HCN1: variants seen among roughly 807,000 people sequenced by gnomAD.
HCN1 encodes potassium/sodium hyperpolarization-activated cyclic nucleotide-gated channel 1.
HCN1 carries 13 observed loss-of-function variants against 78.9 expected under a neutral mutation model. The observed-to-expected ratio is 0.16, with a 90% CI of 0.11 to 0.26. HCN1 has a LOEUF of 0.26. HCN1 is among the 10% of genes least tolerant of loss of function. HCN1 has a pLI of 1.00. For missense variants in HCN1, 810 were observed against 1,154.3 expected, an observed-to-expected ratio of 0.70 and a Z score of 4.32; for synonymous variants, 552 against 455.5, an observed-to-expected ratio of 1.21 and a Z score of -2.70.
chr5:45,472,834 GTCA>G, intron 2 of HCN1, among the ~76,000 whole-genome samples: 1 of 151,936 alleles, frequency 6.6e-6, no homozygotes, highest in Admixed American at 6.6e-5. Context: ...CAGAATACCT[GTCA>G]TCTTTTGTTA....
chr5:45,261,881 T>C lies in HCN1; in HGVS notation c.*40A>G, dbSNP rs1744741558. 6.2e-7 allele frequency: 1 copy of C among 1,611,498 alleles called. No homozygotes were observed. The highest frequency in any genetic ancestry group is 8.5e-7 in the Non-Finnish European group (1 of 1,178,192). On this transcript the variant is annotated 3_prime_UTR_variant, in exon 8 of 8. Transcript: ENST00000303230. ...AATAAGATCTGAGTATAGTCTCAGT[T>C]TATGAGAGTATTTCTTTCTGCTTTG...
At chr5:45,660,682 C>G (rs1219594021) in intron 1 of HCN1, among the ~76,000 whole-genome samples, 2 of 141,994 alleles carry the variant, frequency 1.4e-5, no homozygotes, top group African/African-American at 5.3e-5. Context: ...GACTTTAAAC[C>G]AACAAAGATC....
At chr5:45,457,222 A>G (rs1264701233) in intron 3 of HCN1, among the ~76,000 whole-genome samples, 1 of 152,102 alleles carries the variant, frequency 6.6e-6, no homozygotes, top group East Asian at 1.9e-4. Context: ...TTTGAGATTC[A>G]GTTCAAAATT....
At chr5:45,332,011 A>G (rs1746354815) in intron 5 of HCN1, among the ~76,000 whole-genome samples, 1 of 151,564 alleles carries the variant, frequency 6.6e-6, no homozygotes, top group African/African-American at 2.4e-5. Flanking sequence ...AAACAACAGA[A>G]AATTGGTTTA....
chr5:45,456,835 A>G (rs891704738), intron 3 of HCN1, among the ~76,000 whole-genome samples: 2 of 152,028 alleles, frequency 1.3e-5, no homozygotes, highest in Non-Finnish European at 2.9e-5. Context: ...CATTTTGACT[A>G]CGGTGAAACG....
intron 4 of HCN1, among the ~76,000 whole-genome samples, chr5:45,374,628 C>G (rs1693081526): frequency 6.6e-6 from 1 of 150,410 alleles, no homozygotes; most frequent in African/African-American, 2.4e-5. Flanking sequence ...GGGAGGGACT[C>G]CTTCCTAACT....
intron 2 of HCN1, among the ~76,000 whole-genome samples, chr5:45,523,934 C>G (rs1742671730): frequency 6.6e-6 from 1 of 152,046 alleles, no homozygotes; most frequent in African/African-American, 2.4e-5. Flanking sequence ...AAGTCCTTGC[C>G]CATGCCTATG....
At chr5:45,665,161 A>T (rs1222509735) in intron 1 of HCN1, among the ~76,000 whole-genome samples, 1 of 152,018 alleles carries the variant, frequency 6.6e-6, no homozygotes, top group African/African-American at 2.4e-5. Flanking sequence ...ACATGGATGA[A>T]ATTGGAAATC....
chr5:45,360,069 G>GATAAATA (rs1163613597), intron 4 of HCN1, among the ~76,000 whole-genome samples: 1 of 150,614 alleles, frequency 6.6e-6, no homozygotes, highest in Admixed American at 6.6e-5. Flanking sequence ...TATGTTATGT[G>GATAAATA]ATAAATAATA....
intron 5 of HCN1, among the ~76,000 whole-genome samples, chr5:45,321,062 CA>C (rs1746117041): frequency 6.6e-6 from 1 of 151,764 alleles, no homozygotes; most frequent in Non-Finnish European, 1.5e-5. Context: ...ACAGTGTCAA[CA>C]AAATGAAAAT....
chr5:45,514,272 G>T (rs113351482), intron 2 of HCN1, among the ~76,000 whole-genome samples: 1 of 151,930 alleles, frequency 6.6e-6, no homozygotes. Flanking sequence ...ATTTTTAAAA[G>T]TCTACCTCAA....
intron 2 of HCN1, among the ~76,000 whole-genome samples, chr5:45,478,526 C>G (rs1429401211): frequency 6.6e-6 from 1 of 152,092 alleles, no homozygotes; most frequent in African/African-American, 2.4e-5. Context: ...ACAGGTAGGC[C>G]TCATTTTTAA....
In HCN1 at chr5:45,683,701, T is replaced by A. The variant is rs989042935; in HGVS notation, c.425+11968A>T. On this transcript the variant is annotated intron_variant, in intron 1 of 7. Coordinates refer to ENST00000303230, the MANE Select transcript of HCN1 (RefSeq NM_021072.4). Reference sequence around the variant, plus strand: ...TTTTTTTTTGATACAGGGTTTCACTTTGTCATTTAGCCTGGATGGAGTGCA... The same window carrying A: ...TTTTTTTTTGATACAGGGTTTCACTATGTCATTTAGCCTGGATGGAGTGCA... Among the ~76,000 whole-genome samples, 26 of 151,994 alleles carry A rather than the reference T, an allele frequency of 1.7e-4. 1 individual carries two copies. The highest frequency in any genetic ancestry group is 2.0e-4 in the Admixed American group (3 of 15,248).
intron 2 of HCN1, among the ~76,000 whole-genome samples, chr5:45,493,036 T>C (rs947650721): frequency 5.9e-5 from 9 of 152,108 alleles, no homozygotes; most frequent in African/African-American, 2.2e-4. Context: ...TTCTTTCTTA[T>C]AATGCAGTAT....
At chr5:45,441,146 T>A (rs1180260531) in intron 3 of HCN1, among the ~76,000 whole-genome samples, 1 of 152,218 alleles carries the variant, frequency 6.6e-6, no homozygotes, top group Non-Finnish European at 1.5e-5. Flanking sequence ...CAGGTTACAG[T>A]ATTCTGTTTC....
At chr5:45,635,859 T>C (rs966677990) in intron 2 of HCN1, among the ~76,000 whole-genome samples, 1 of 152,172 alleles carries the variant, frequency 6.6e-6, no homozygotes, top group East Asian at 1.9e-4. Flanking sequence ...CAATTGGTGA[T>C]ATACTTCAAA....
chr5:45,345,451 G>A (rs1746681549), intron 5 of HCN1, among the ~76,000 whole-genome samples: 1 of 152,070 alleles, frequency 6.6e-6, no homozygotes, highest in South Asian at 2.1e-4. Context: ...CTACTACATG[G>A]TCACGCTGCA....
At chr5:45,501,374 A>G (rs1742181495) in intron 2 of HCN1, among the ~76,000 whole-genome samples, 1 of 152,204 alleles carries the variant, frequency 6.6e-6, no homozygotes, top group Non-Finnish European at 1.5e-5. Context: ...TAAGAATAAG[A>G]CATTAAAGTA....
intron 3 of HCN1, among the ~76,000 whole-genome samples, chr5:45,419,318 C>G (rs894968120): frequency 1.3e-5 from 2 of 152,094 alleles, no homozygotes; most frequent in Non-Finnish European, 2.9e-5. Context: ...AACCAGCACC[C>G]TATGAGACAG....
Sources: gnomAD v4.1 joint callset for allele counts (sites outside exome capture counted in the v4.1 genomes callset) on GRCh38, gnomAD v4.1.1 for gene constraint, MANE v1.5 for transcripts, NCBI Gene and HGNC (gene_info 2026-07-23, HGNC 2026-07-21) for gene names.